The following AFG1L variants were observed in gnomAD, a reference collection of about 807,000 sequenced individuals.
AFG1L encodes AFG1 like ATPase, also known as AFG1-like ATPase.
In AFG1L, 53 loss-of-function variants were observed where a neutral mutation model predicts 62.2. The ratio of observed to expected loss-of-function variants is 0.85; its 90% CI spans 0.68 to 1.07. AFG1L has a LOEUF of 1.07. AFG1L is among the 50% of genes least tolerant of loss of function. The pLI, the probability that AFG1L is intolerant of heterozygous loss-of-function variation, is 0.00. For synonymous variants in AFG1L, 228 were observed against 210.3 expected (o/e 1.08, Z -0.73); for missense variants, 555 against 590.5 (o/e 0.94, Z 0.62).
rs565753163 is a variant in AFG1L at position 108,409,872 on chromosome 6, C to T, written c.807+7818C>T. ...TGGAAAGCAGACAGCAGAGATCATA[C>T]ATTCACATAACTCATATTTCTAAAA... On this transcript the variant is annotated intron_variant, in intron 7 of 12. Transcript: ENST00000368977. Among the ~76,000 whole-genome samples the T allele has an allele frequency of 1.7e-4, 26 of 152,232 alleles. No homozygotes were observed. The South Asian group carries it at 5.2e-3, about 30-fold the overall frequency.
At chr6:108,347,297 T>C (rs1778902342) in intron 3 of AFG1L, among the ~76,000 whole-genome samples, 1 of 152,152 alleles carries the variant, frequency 6.6e-6, no homozygotes, top group Non-Finnish European at 1.5e-5. Context: ...TATAAAGTAA[T>C]TAATATCAGG....
At chr6:108,347,799 T>G (rs1778918706) in intron 3 of AFG1L, among the ~76,000 whole-genome samples, 1 of 152,168 alleles carries the variant, frequency 6.6e-6, no homozygotes, top group African/African-American at 2.4e-5. Context: ...TGCTTTCAAT[T>G]ATTTCTTTGA....
chr6:108,310,981 T>A (rs864712), intron 1 of AFG1L, among the ~76,000 whole-genome samples: 44,974 of 152,106 alleles, frequency 0.3, 10,006 homozygotes, highest in African/African-American at 0.62. Context: ...GCTGAAAGAT[T>A]AAGATAGTAA....
At position 108,356,711 on chromosome 6, in the gene AFG1L, G is replaced by A; in HGVS notation, c.539G>A (p.Ser180Asn). Residue 180 changes from serine to asparagine, a missense_variant, in exon 5 of 13, where the codon AGT becomes AAT. Ser to Asn is a conservative substitution (Grantham distance 46). Transcript: ENST00000368977. The part of the protein sequence containing the change: ...VHKRIHRLKQ[S>N]LPKRKPGFMA... ...TAAGGAATACATCGCCTTAAACAGA[G>A]TTTGCCAAAAAGGAAACCAGGATTC... 1 of 1,611,546 alleles carries A rather than the reference G, an allele frequency of 6.2e-7. No homozygotes were observed. The highest frequency in any genetic ancestry group is 8.5e-7 in the Non-Finnish European group (1 of 1,178,922).
At chr6:108,330,669 C>A (rs964815463) in intron 2 of AFG1L, among the ~76,000 whole-genome samples, 2 of 152,122 alleles carry the variant, frequency 1.3e-5, no homozygotes, top group Non-Finnish European at 2.9e-5. Flanking sequence ...GAAGACAGAT[C>A]ACTCAAGAAC....
At chr6:108,401,854 A>G in intron 6 of AFG1L, 142 bp from the exon 7 acceptor site, 1 of 503,938 alleles carries the variant, frequency 2.0e-6, no homozygotes, top group Non-Finnish European at 3.5e-6. Context: ...GGACCCAAAG[A>G]GAAATCAATT....
intron 2 of AFG1L, among the ~76,000 whole-genome samples, chr6:108,344,443 G>T (rs1207503316): frequency 6.6e-6 from 1 of 151,190 alleles, no homozygotes; most frequent in Non-Finnish European, 1.5e-5. Context: ...TAAAAAATTA[G>T]CTGGATGTAG....
At chr6:108,433,211 T>C (rs1350930805) in intron 7 of AFG1L, among the ~76,000 whole-genome samples, 1 of 152,196 alleles carries the variant, frequency 6.6e-6, no homozygotes, top group Non-Finnish European at 1.5e-5. Flanking sequence ...TCTGCTTTAT[T>C]ATTTAATTGG....
chr6:108,369,989 T>TATC (rs1215848014), intron 6 of AFG1L, among the ~76,000 whole-genome samples: 4 of 151,596 alleles, frequency 2.6e-5, no homozygotes, highest in African/African-American at 9.7e-5. Flanking sequence ...TCTATCTATC[T>TATC]TTTAAAATAG....
At chr6:108,493,890 G>A (rs1047824405) in intron 10 of AFG1L, among the ~76,000 whole-genome samples, 1 of 152,120 alleles carries the variant, frequency 6.6e-6, no homozygotes, top group Non-Finnish European at 1.5e-5. Context: ...AGGCTGGAGT[G>A]CAGTGGCATG....
At chr6:108,402,174 A>G (rs1781649533) in intron 7 of AFG1L, 120 bp downstream of exon 7, 1 of 505,064 alleles carries the variant, frequency 2.0e-6, no homozygotes, top group Non-Finnish European at 3.5e-6. Context: ...TTAGATAGTA[A>G]TAGTCAGGGG....
chr6:108,424,633 G>A (rs1241119456), intron 7 of AFG1L, among the ~76,000 whole-genome samples: 2 of 151,998 alleles, frequency 1.3e-5, no homozygotes, highest in Admixed American at 6.6e-5. Flanking sequence ...GAGATATATT[G>A]TAATATATAT....
At chr6:108,411,493 G>A (rs186703337) in intron 7 of AFG1L, among the ~76,000 whole-genome samples, 277 of 152,254 alleles carry the variant, frequency 1.8e-3, no homozygotes, top group Middle Eastern at 3.4e-3. Context: ...AGCCTAACTG[G>A]GAGACACCTC....
chr6:108,315,168 T>G (rs1777546107), intron 1 of AFG1L, among the ~76,000 whole-genome samples: 1 of 152,216 alleles, frequency 6.6e-6, no homozygotes, highest in Admixed American at 6.5e-5. Flanking sequence ...TGTGAGCCAC[T>G]GTGCTGGGCC....
At chr6:108,461,971 T>C (rs1401956707) in intron 8 of AFG1L, among the ~76,000 whole-genome samples, 1 of 152,076 alleles carries the variant, frequency 6.6e-6, no homozygotes, top group East Asian at 1.9e-4. Flanking sequence ...GGCAGGAGCC[T>C]GTAGTCCCAG....
intron 2 of AFG1L, among the ~76,000 whole-genome samples, chr6:108,342,468 G>A (rs1441779240): frequency 6.6e-6 from 1 of 152,188 alleles, no homozygotes; most frequent in African/African-American, 2.4e-5. Flanking sequence ...TGCAAATGAT[G>A]TGGGTTCCTA....
At chr6:108,484,734 T>C (rs1039384942) in intron 10 of AFG1L, among the ~76,000 whole-genome samples, 1 of 152,238 alleles carries the variant, frequency 6.6e-6, no homozygotes, top group Non-Finnish European at 1.5e-5. Flanking sequence ...AATTGACTTA[T>C]AATTTGATTT....
intron 10 of AFG1L, among the ~76,000 whole-genome samples, chr6:108,490,579 CAT>C: frequency 6.6e-6 from 1 of 152,312 alleles, no homozygotes; most frequent in East Asian, 1.9e-4. Context: ...ATCTTGCATA[CAT>C]GTTTGTACTG....
At chr6:108,341,479 C>A (rs562036530) in intron 2 of AFG1L, among the ~76,000 whole-genome samples, 3 of 152,184 alleles carry the variant, frequency 2.0e-5, no homozygotes, top group Admixed American at 6.5e-5. Context: ...CGTGATTACA[C>A]ATGCAAAGGT....
Sources: allele counts gnomAD v4.1 joint callset (sites outside exome capture counted in the v4.1 genomes callset), GRCh38; gene constraint gnomAD v4.1.1; transcripts MANE v1.5; gene names NCBI Gene and HGNC (gene_info 2026-07-23, HGNC 2026-07-21).